Variants in GLIS3 observed in about 807,000 individuals in gnomAD.
The protein encoded by GLIS3 is zinc finger protein GLIS3.
Under a neutral mutation model 78.6 loss-of-function variants are expected in GLIS3, and 53 were observed. That is an observed-to-expected ratio of 0.67 (90% CI 0.54 to 0.85). The LOEUF (loss-of-function observed/expected upper bound fraction) is 0.85, where lower values mean the gene tolerates loss of function less well. GLIS3 is among the 40% of genes least tolerant of loss of function. The pLI, the probability that GLIS3 is intolerant of heterozygous loss-of-function variation, is 0.00. For synonymous variants in GLIS3, 684 were observed against 509.9 expected, an observed-to-expected ratio of 1.34 and a Z score of -4.60; for missense variants, 1,703 against 1,231.1, an observed-to-expected ratio of 1.38 and a Z score of -5.74.
chr9:4,128,989 G>C (rs1206040831), intron 2 of GLIS3, among the ~76,000 whole-genome samples: 2 of 152,190 alleles, frequency 1.3e-5, no homozygotes, highest in African/African-American at 4.8e-5. Flanking sequence ...CTTGAAGCAT[G>C]AAAATTAATG....
intron 4 of GLIS3, among the ~76,000 whole-genome samples, chr9:4,082,197 G>A (rs996180025): frequency 1.3e-5 from 2 of 152,146 alleles, no homozygotes; most frequent in African/African-American, 4.8e-5. Flanking sequence ...CATCATGCAG[G>A]CAGCAATTTA....
the GLIS3 span, among the ~76,000 whole-genome samples, chr9:4,445,946 G>A: frequency 7.9e-5 from 12 of 152,156 alleles, no homozygotes; most frequent in Non-Finnish European, 1.8e-4. Context: ...TCAGAGTATA[G>A]GCCCAGGATT....
chr9:4,246,069 T>C (rs1823775388), intron 2 of GLIS3, among the ~76,000 whole-genome samples: 1 of 152,036 alleles, frequency 6.6e-6, no homozygotes, highest in Admixed American at 6.5e-5. Context: ...TAAGAAGCAA[T>C]AAACCCTCTT....
chr9:4,050,329 C>G (rs955509738), intron 4 of GLIS3, among the ~76,000 whole-genome samples: 1 of 152,132 alleles, frequency 6.6e-6, no homozygotes, highest in African/African-American at 2.4e-5. Context: ...CCATTATTCT[C>G]AGTAAACTAT....
At chr9:4,089,623 T>A (rs1829322424) in intron 4 of GLIS3, among the ~76,000 whole-genome samples, 1 of 152,080 alleles carries the variant, frequency 6.6e-6, no homozygotes, top group South Asian at 2.1e-4. Flanking sequence ...GCCAGGAGTT[T>A]GAAACCAGCC....
chr9:4,093,655 G>C (rs961870482), intron 4 of GLIS3, among the ~76,000 whole-genome samples: 2 of 152,192 alleles, frequency 1.3e-5, no homozygotes, highest in Middle Eastern at 3.2e-3. Flanking sequence ...TACTGGTCTT[G>C]AGGAAGCTTA....
the GLIS3 span, among the ~76,000 whole-genome samples, chr9:4,380,907 G>A: frequency 6.6e-6 from 1 of 152,168 alleles, no homozygotes; most frequent in Non-Finnish European, 1.5e-5. Flanking sequence ...ACAGGAGCTA[G>A]TTAGTGAAAA....
intron 2 of GLIS3, among the ~76,000 whole-genome samples, chr9:4,133,376 T>C (rs1021446817): frequency 2.0e-5 from 3 of 152,184 alleles, no homozygotes; most frequent in African/African-American, 4.8e-5. Context: ...GAGACTCCCA[T>C]TCAGGTGGGC....
At chr9:4,197,107 C>T (rs1244294613) in intron 2 of GLIS3, among the ~76,000 whole-genome samples, 1 of 152,164 alleles carries the variant, frequency 6.6e-6, no homozygotes, top group Non-Finnish European at 1.5e-5. Context: ...GCAGCCTGAA[C>T]ATCTTACCCT....
intron 2 of GLIS3, among the ~76,000 whole-genome samples, chr9:4,325,323 A>T (rs1221351746): frequency 6.6e-6 from 1 of 152,236 alleles, no homozygotes; most frequent in Non-Finnish European, 1.5e-5. Context: ...TAAAAAGGGT[A>T]GAGTACCCCT....
intron 4 of GLIS3, among the ~76,000 whole-genome samples, chr9:3,964,311 T>G (rs1456133015): frequency 1.3e-5 from 2 of 152,206 alleles, no homozygotes; most frequent in African/African-American, 4.8e-5. Context: ...AGAAGCATCT[T>G]ATAAAAGTTA....
At chr9:4,151,237 G>C (rs1375168275) in intron 2 of GLIS3, among the ~76,000 whole-genome samples, 1 of 152,142 alleles carries the variant, frequency 6.6e-6, no homozygotes, top group African/African-American at 2.4e-5. Context: ...ACAAAAGCCT[G>C]CATTCTCCCA....
chr9:3,962,866 C>G (rs1184605910), intron 4 of GLIS3, among the ~76,000 whole-genome samples: 1 of 151,402 alleles, frequency 6.6e-6, no homozygotes, highest in Non-Finnish European at 1.5e-5. Flanking sequence ...GTAACGAAGT[C>G]CTGAATTGGC....
intron 2 of GLIS3, among the ~76,000 whole-genome samples, chr9:4,163,459 T>C (rs1414281275): frequency 6.6e-6 from 1 of 152,252 alleles, no homozygotes; most frequent in African/African-American, 2.4e-5. Context: ...GAATAATTTG[T>C]GACCAAACTG....
intron 2 of GLIS3, among the ~76,000 whole-genome samples, chr9:4,180,022 T>C (rs1817162236): frequency 6.6e-6 from 1 of 152,180 alleles, no homozygotes; most frequent in South Asian, 2.1e-4. Context: ...TTGGATCTCC[T>C]ACACATTGTT....
At chr9:4,027,520 C>T (rs1259369964) in intron 4 of GLIS3, among the ~76,000 whole-genome samples, 1 of 151,992 alleles carries the variant, frequency 6.6e-6, no homozygotes, top group East Asian at 1.9e-4. Flanking sequence ...TTTTTTTCTC[C>T]CAATTCTATT....
chr9:4,390,025 A>G, the GLIS3 span, among the ~76,000 whole-genome samples: 2 of 152,220 alleles, frequency 1.3e-5, no homozygotes, highest in African/African-American at 4.8e-5. Context: ...TCCTGAACAA[A>G]TACTATGTGC....
intron 7 of GLIS3, among the ~76,000 whole-genome samples, chr9:3,885,597 G>A (rs1360624342): frequency 6.6e-6 from 1 of 152,182 alleles, no homozygotes; most frequent in Non-Finnish European, 1.5e-5. Flanking sequence ...AGTATTTCCA[G>A]GGTCAAGGCA....
intron 4 of GLIS3, among the ~76,000 whole-genome samples, chr9:3,969,415 T>A (rs1471918420): frequency 2.0e-5 from 3 of 152,200 alleles, no homozygotes; most frequent in African/African-American, 7.2e-5. Context: ...GCGGAAAGGA[T>A]TTACTAAGGC....
Sources: gnomAD v4.1 joint callset for allele counts (sites outside exome capture counted in the v4.1 genomes callset) on GRCh38, gnomAD v4.1.1 for gene constraint, MANE v1.5 for transcripts, NCBI Gene and HGNC (gene_info 2026-07-23, HGNC 2026-07-21) for gene names.